Variants in CNBD1 observed in about 807,000 individuals in gnomAD.
CNBD1 encodes the protein cyclic nucleotide-binding domain-containing protein 1.
In CNBD1, 71 loss-of-function variants were observed where a neutral mutation model predicts 54.4. That is an observed-to-expected ratio of 1.30 (90% CI 1.08 to 1.59). The LOEUF (loss-of-function observed/expected upper bound fraction) is 1.59. Ranked by LOEUF, CNBD1 falls within the 40% of genes most tolerant of loss-of-function variation. The pLI is 0.00. For missense variants in CNBD1, 659 were observed against 518.0 expected (o/e 1.27, Z -2.64); for synonymous variants, 182 against 170.7 (o/e 1.07, Z -0.51).
At position 87,161,405 on chromosome 8, in the gene CNBD1, T is replaced by C. The variant is rs76094658; in HGVS notation, c.432-44588T>C. ...TTGCAGATAGTTCTACCACAAAAAT[T>C]ATGAAAGGAAGACTGATACTTCACA... On this transcript the variant is annotated intron_variant, in intron 4 of 10. Transcript: ENST00000518476. 8.1e-4 allele frequency among the ~76,000 whole-genome samples: 124 copies of C among 152,210 alleles called. 1 individual carries two copies. In the East Asian group the frequency reaches 0.022, roughly 27 times the overall value.
chr8:87,253,344 TTTC>T (rs1807947161), intron 6 of CNBD1, among the ~76,000 whole-genome samples: 1 of 151,992 alleles, frequency 6.6e-6, no homozygotes, highest in Admixed American at 6.6e-5. Flanking sequence ...GATCATAGTG[TTTC>T]TTCCCTGGCA....
intron 4 of CNBD1, among the ~76,000 whole-genome samples, chr8:86,972,379 G>A (rs1031631417): frequency 6.6e-6 from 1 of 152,008 alleles, no homozygotes; most frequent in Non-Finnish European, 1.5e-5. Flanking sequence ...TTGGTTTAAG[G>A]GAAGAAAAAT....
At chr8:87,296,716 G>A (rs559260362) in intron 8 of CNBD1, among the ~76,000 whole-genome samples, 1 of 151,890 alleles carries the variant, frequency 6.6e-6, no homozygotes, top group South Asian at 2.1e-4. Context: ...TATATCTGAT[G>A]TCTATAAAAA....
At chr8:87,188,409 C>A (rs1813526631) in intron 4 of CNBD1, among the ~76,000 whole-genome samples, 1 of 152,074 alleles carries the variant, frequency 6.6e-6, no homozygotes, top group Admixed American at 6.6e-5. Context: ...GAAAATTAAC[C>A]ATTGCACAAA....
At position 87,182,276 on chromosome 8, in the gene CNBD1, T is replaced by A. The variant is rs1001933014; in HGVS notation, c.432-23717T>A. Among the ~76,000 whole-genome samples, 9 of 152,190 alleles carry A rather than the reference T, an allele frequency of 5.9e-5. No homozygotes were observed. Among genetic ancestry groups the A allele is most frequent in the Admixed American group, 3.3e-4 (5 of 15,274 alleles). ...ATTCCATGGTGTATATATACCATAT[T>A]TTCTTTATCCAGTTTACCATTGATG... On this transcript the variant is annotated intron_variant, in intron 4 of 10. Coordinates refer to ENST00000518476, the MANE Select transcript of CNBD1 (RefSeq NM_173538.3). The surrounding 1 kb of genome is among the most constrained non-coding windows in gnomAD (Gnocchi z 4.1).
chr8:87,023,242 T>C (rs1035209279), intron 4 of CNBD1, among the ~76,000 whole-genome samples: 5 of 152,162 alleles, frequency 3.3e-5, no homozygotes, highest in Admixed American at 2.0e-4. Flanking sequence ...ACATTGCTGA[T>C]GAGGGGCTCC....
At chr8:87,233,780 A>G (rs967901259) in intron 5 of CNBD1, among the ~76,000 whole-genome samples, 5 of 152,116 alleles carry the variant, frequency 3.3e-5, no homozygotes, top group Non-Finnish European at 7.3e-5. Flanking sequence ...TGGCTGTGGC[A>G]ATTTCTTAAG....
chr8:87,266,255 A>T (rs1196845287), intron 6 of CNBD1, among the ~76,000 whole-genome samples: 2 of 151,610 alleles, frequency 1.3e-5, no homozygotes, highest in Non-Finnish European at 2.9e-5. Flanking sequence ...CAAAGAGCAA[A>T]AGGCTAAGAA....
chr8:87,162,351 A>G (rs1812875206), intron 4 of CNBD1, among the ~76,000 whole-genome samples: 1 of 152,130 alleles, frequency 6.6e-6, no homozygotes, highest in Non-Finnish European at 1.5e-5. Context: ...GTAAAATTGT[A>G]TTTAATCACT....
At chr8:87,317,408 A>G (rs533720161) in intron 8 of CNBD1, among the ~76,000 whole-genome samples, 22 of 151,564 alleles carry the variant, frequency 1.5e-4, no homozygotes, top group Non-Finnish European at 2.8e-4. Flanking sequence ...AATGCCTTCC[A>G]GTTTTCCTGT....
chr8:87,380,114 TACAC>T (rs1472463321), intron 10 of CNBD1, among the ~76,000 whole-genome samples: 1 of 151,922 alleles, frequency 6.6e-6, no homozygotes, highest in East Asian at 1.9e-4. Flanking sequence ...TATAATTACA[TACAC>T]AAACAAGAGT....
At chr8:87,096,758 A>G (rs570680964) in intron 4 of CNBD1, among the ~76,000 whole-genome samples, 1 of 151,954 alleles carries the variant, frequency 6.6e-6, no homozygotes, top group South Asian at 2.1e-4. Context: ...CTCACAGAAC[A>G]GAGATGAGAG....
chr8:87,309,304 T>C (rs1809218103), intron 8 of CNBD1, among the ~76,000 whole-genome samples: 1 of 152,176 alleles, frequency 6.6e-6, no homozygotes. Context: ...GGTTTCTTCT[T>C]ATTACCAAAT....
intron 5 of CNBD1, among the ~76,000 whole-genome samples, chr8:87,212,920 C>T (rs1814131903): frequency 6.6e-6 from 1 of 152,032 alleles, no homozygotes. Flanking sequence ...AAATGCAGCC[C>T]TTGAAATGGA....
chr8:87,207,955 A>G, intron 5 of CNBD1, among the ~76,000 whole-genome samples: 1 of 152,230 alleles, frequency 6.6e-6, no homozygotes, highest in Admixed American at 6.5e-5. Flanking sequence ...AAGTCAACTC[A>G]TTAAATATAT....
Position 87,012,268 on chromosome 8 carries a change from A to T in CNBD1, c.431+72514A>T, listed in dbSNP as rs544977284. Among the ~76,000 whole-genome samples the T allele has an allele frequency of 7.2e-5, 11 of 152,190 alleles. No homozygotes were observed. In the South Asian group the frequency reaches 2.3e-3, roughly 32 times the overall value. On this transcript the variant is annotated intron_variant, in intron 4 of 10. Transcript: ENST00000518476. ...ACTTGTGGTTGTTGATTATTGTGGG[A>T]GCAGGGTTGAAGACTAAGCTCTGAT...
At chr8:87,205,696 G>A (rs1813957109) in intron 4 of CNBD1, among the ~76,000 whole-genome samples, 1 of 151,892 alleles carries the variant, frequency 6.6e-6, no homozygotes. Context: ...TTTACAATAG[G>A]AGTACTGAGT....
intron 3 of CNBD1, among the ~76,000 whole-genome samples, chr8:86,924,809 C>T (rs1343056608): frequency 6.6e-6 from 1 of 152,118 alleles, no homozygotes; most frequent in Non-Finnish European, 1.5e-5. Context: ...GGAAGTAAAT[C>T]TGTATCGTAA....
intron 6 of CNBD1, among the ~76,000 whole-genome samples, chr8:87,247,286 C>T (rs750886640): frequency 9.9e-5 from 15 of 152,126 alleles, no homozygotes; most frequent in Non-Finnish European, 1.6e-4. Flanking sequence ...CATTCCTTCC[C>T]AGTTAAGGGC....
Sources: allele counts gnomAD v4.1 joint callset (sites outside exome capture counted in the v4.1 genomes callset), GRCh38; gene constraint gnomAD v4.1.1; non-coding constraint Gnocchi (gnomAD v3.1); transcripts MANE v1.5; gene names NCBI Gene and HGNC (gene_info 2026-07-23, HGNC 2026-07-21).